Variants in RPS29 observed in about 807,000 individuals in gnomAD.
RPS29 encodes the protein ribosomal protein S29, also known as small ribosomal subunit protein uS14.
For missense variants in RPS29, 60 were observed against 75.7 expected (o/e 0.79, Z 0.77); for synonymous variants, 37 against 26.9 (o/e 1.37, Z -1.16).
chr14:49,593,608 G>A (rs972059949), intron 1 of RPS29, among the ~76,000 whole-genome samples: 2 of 135,460 alleles, frequency 1.5e-5, no homozygotes, highest in African/African-American at 5.4e-5. Context: ...CAGGAGAATC[G>A]CTTGAACCTG....
chr14:49,581,006 G>A (rs1005064964), downstream of RPS29, among the ~76,000 whole-genome samples: 5 of 152,100 alleles, frequency 3.3e-5, no homozygotes, highest in African/African-American at 1.2e-4. Context: ...TGGCCGGCAT[G>A]GAGAAACCCC....
chr14:49,595,449 AAAC>A (rs1340391108), intron 1 of RPS29, among the ~76,000 whole-genome samples: 1 of 151,986 alleles, frequency 6.6e-6, no homozygotes, highest in African/African-American at 2.4e-5. Context: ...ACAAACAAAA[AAAC>A]CACACACATC....
chr14:49,590,285 G>T (rs910002141), upstream of RPS29, among the ~76,000 whole-genome samples: 1 of 151,970 alleles, frequency 6.6e-6, no homozygotes, highest in Admixed American at 6.6e-5. Flanking sequence ...AGACCAACCT[G>T]GCCAATATGG....
At chr14:49,589,343 T>C (rs774383140), upstream of RPS29, among the ~76,000 whole-genome samples, 2 of 152,080 alleles carry the variant, frequency 1.3e-5, no homozygotes, top group Non-Finnish European at 2.9e-5. Context: ...CTTGCCCAGA[T>C]AACCCTACTA....
chr14:49,583,585 CA>C lies in RPS29; in HGVS notation c.*81del. 2 of 1,485,040 alleles carry C rather than the reference CA, an allele frequency of 1.3e-6. No individual in the cohort carries two copies. The highest frequency in any genetic ancestry group is 1.8e-6 in the Non-Finnish European group (2 of 1,094,924). 92.0% of individuals were successfully genotyped at this position (1,485,040 alleles called of 1,614,324 possible). On this transcript the variant is annotated 3_prime_UTR_variant, in exon 3 of 3. Transcript: ENST00000245458. Reference sequence around the variant, plus strand: ...ACACTCATAAACTGAAGGGTTTTTTCAAATGTTTATTTTATATACAAAGAAT... The same window carrying C: ...ACACTCATAAACTGAAGGGTTTTTTCAATGTTTATTTTATATACAAAGAAT...
chr14:49,573,583 G>C (rs1307253167), exon 3 of RPS29: 1 of 151,836 alleles, frequency 6.6e-6, no homozygotes, highest in Non-Finnish European at 1.5e-5. Flanking sequence ...ATATTTGACA[G>C]AACTGGCCTA....
chr14:49,595,828 T>C (rs1881809121), intron 1 of RPS29, among the ~76,000 whole-genome samples: 1 of 151,972 alleles, frequency 6.6e-6, no homozygotes, highest in Non-Finnish European at 1.5e-5. Context: ...GCCTGACCAA[T>C]ATGGTGAAAC....
chr14:49,595,128 A>G (rs1881795044), intron 1 of RPS29, among the ~76,000 whole-genome samples: 1 of 151,584 alleles, frequency 6.6e-6, no homozygotes, highest in East Asian at 1.9e-4. Flanking sequence ...CTTTTTTGAG[A>G]CTGAAAGAGG....
At chr14:49,581,333 C>T (rs768499515), downstream of RPS29, among the ~76,000 whole-genome samples, 1 of 152,228 alleles carries the variant, frequency 6.6e-6, no homozygotes, top group African/African-American at 2.4e-5. Flanking sequence ...ATCAAAGGCA[C>T]ACAATACAGT....
exon 3 of RPS29, chr14:49,573,861 T>C (rs1881115294): frequency 6.6e-6 from 1 of 152,214 alleles, no homozygotes. Flanking sequence ...ACAAGTGTCA[T>C]CATGAAATGG....
chr14:49,589,135 C>T (rs919908015), upstream of RPS29, among the ~76,000 whole-genome samples: 1 of 151,840 alleles, frequency 6.6e-6, no homozygotes. Context: ...CCTCATGATC[C>T]GCCCGCCTCG....
upstream of RPS29, chr14:49,586,845 T>G (rs756641645): frequency 6.0e-6 from 1 of 167,766 alleles, no homozygotes; most frequent in Non-Finnish European, 1.3e-5. Context: ...GCCACTGCAC[T>G]CCAGCCTGGG....
downstream of RPS29, among the ~76,000 whole-genome samples, chr14:49,581,304 G>C (rs1881327035): frequency 6.6e-6 from 1 of 152,300 alleles, no homozygotes; most frequent in East Asian, 1.9e-4. Flanking sequence ...ATAAAACTGG[G>C]GTTACCAATT....
chr14:49,572,494 C>T (rs1881078208), exon 3 of RPS29: 1 of 152,142 alleles, frequency 6.6e-6, no homozygotes, highest in Admixed American at 6.5e-5. Context: ...GAAAATTACT[C>T]AAGTACCCTG....
exon 3 of RPS29, chr14:49,572,088 T>C (rs1305772873): frequency 6.6e-6 from 1 of 152,230 alleles, no homozygotes; most frequent in African/African-American, 2.4e-5. Flanking sequence ...GTAGCTGGGA[T>C]TACAGGTGAC....
At chr14:49,586,627 G>A (rs1308471651), upstream of RPS29, 12 of 463,452 alleles carry the variant, frequency 2.6e-5, no homozygotes, top group Admixed American at 4.0e-4. Context: ...TCGGGAGGCT[G>A]AGGCTGGAGG....
chr14:49,588,521 GTTTT>G (rs1161330354), upstream of RPS29, among the ~76,000 whole-genome samples: 1 of 148,656 alleles, frequency 6.7e-6, no homozygotes, highest in African/African-American at 2.5e-5. Flanking sequence ...TTTATGTTTT[GTTTT>G]GTTTTTTTTC....
intron 2 of RPS29, among the ~76,000 whole-genome samples, chr14:49,583,900 C>A (rs1881421105): frequency 6.6e-6 from 1 of 152,222 alleles, no homozygotes; most frequent in African/African-American, 2.4e-5. Context: ...CTTCTTCCAT[C>A]AAAGTAATGT....
chr14:49,592,908 CA>C (rs144035598), intron 1 of RPS29, among the ~76,000 whole-genome samples: 65,240 of 146,270 alleles, frequency 0.45, 14,763 homozygotes, highest in Non-Finnish European at 0.51. Flanking sequence ...AACCGCATCT[CA>C]AAAAAAAAAA....
Sources: allele counts gnomAD v4.1 joint callset (sites outside exome capture counted in the v4.1 genomes callset), GRCh38; gene constraint gnomAD v4.1.1; transcripts MANE v1.5; gene names NCBI Gene and HGNC (gene_info 2026-07-23, HGNC 2026-07-21).